Variants in BCAS3 observed in about 807,000 individuals in gnomAD.
BCAS3 encodes the protein BCAS3 microtubule associated cell migration factor.
A neutral mutation model predicts 116.1 loss-of-function variants in BCAS3; 53 were observed. The observed-to-expected ratio is 0.46, with a 90% CI of 0.37 to 0.57. The LOEUF is 0.57. BCAS3 is among the 20% of genes least tolerant of loss of function. The pLI is 0.00. For synonymous variants in BCAS3, 391 were observed against 408.2 expected (o/e 0.96, Z 0.51); for missense variants, 917 against 1,165.4 (o/e 0.79, Z 3.10).
rs934627291 is a variant in BCAS3 at position 61,023,176 on chromosome 17, A to T, written c.1637+7275A>T. On this transcript the variant is annotated intron_variant, in intron 16 of 23. Coordinates refer to ENST00000407086, the MANE Select transcript of BCAS3 (RefSeq NM_017679.5). The surrounding 1 kb of genome is among the most constrained non-coding windows in gnomAD (Gnocchi z 4.8). The stretch of plus-strand genomic sequence containing the variant: ...CATGTGGGAAATGCAAGTTCACTTC[A>T]GTTGTTGTTTTAACAGAGGGCACAC... Among the ~76,000 whole-genome samples the T allele has an allele frequency of 6.6e-6, 1 of 152,222 alleles. No homozygotes were observed. The highest frequency in any genetic ancestry group is 1.5e-5 in the Non-Finnish European group (1 of 68,050).
chr17:61,255,257 T>C (rs1197195377), intron 22 of BCAS3, among the ~76,000 whole-genome samples: 1 of 152,190 alleles, frequency 6.6e-6, no homozygotes, highest in Non-Finnish European at 1.5e-5. Context: ...TCCCAGCTAA[T>C]CTCATTCCCA....
intron 22 of BCAS3, among the ~76,000 whole-genome samples, chr17:61,120,598 C>T: frequency 6.6e-6 from 1 of 152,028 alleles, no homozygotes; most frequent in East Asian, 1.9e-4. Flanking sequence ...CTTAGCAACC[C>T]ATCACCAAAC....
chr17:61,345,278 C>T lies in BCAS3; in HGVS notation c.2426-23049C>T, dbSNP rs1167510069. Among the ~76,000 whole-genome samples the T allele has an allele frequency of 6.6e-5, 10 of 152,178 alleles. No individual in the cohort carries two copies. The East Asian group carries it at 9.6e-4, about 15-fold the overall frequency. On this transcript the variant is annotated intron_variant, in intron 22 of 23. Coordinates refer to ENST00000407086, the MANE Select transcript of BCAS3 (RefSeq NM_017679.5). Reference sequence around the variant, plus strand: ...CGCTATGCCTGACTGGCTGGCTGGGCGATTCTTTGGGGGCTGTGTTTTGTG... The same window carrying T: ...CGCTATGCCTGACTGGCTGGCTGGGTGATTCTTTGGGGGCTGTGTTTTGTG...
intron 6 of BCAS3, among the ~76,000 whole-genome samples, chr17:60,763,603 T>C (rs1465278277): frequency 1.3e-5 from 2 of 152,186 alleles, no homozygotes; most frequent in Non-Finnish European, 2.9e-5. Flanking sequence ...TTTGCCAGTA[T>C]TTTATTGAGG....
intron 5 of BCAS3, among the ~76,000 whole-genome samples, chr17:60,746,676 G>A (rs895640993): frequency 7.9e-5 from 12 of 152,106 alleles, no homozygotes; most frequent in Middle Eastern, 3.4e-3. Flanking sequence ...TTTTATGATT[G>A]TGAAAGAATA....
chr17:61,156,627 A>G lies in BCAS3; in HGVS notation c.2425+72063A>G, dbSNP rs1056938139. Reference sequence around the variant, plus strand: ...GTTTCATCATTTGGTAAGAAATTTCAGAGGGATTTTTAAATATGAAACTGT... The same window carrying G: ...GTTTCATCATTTGGTAAGAAATTTCGGAGGGATTTTTAAATATGAAACTGT... On this transcript the variant is annotated intron_variant, in intron 22 of 23. Coordinates refer to ENST00000407086, the MANE Select transcript of BCAS3 (RefSeq NM_017679.5). The surrounding 1 kb of genome is among the most constrained non-coding windows in gnomAD (Gnocchi z 4.7). 4.7e-4 allele frequency among the ~76,000 whole-genome samples: 71 copies of G among 152,248 alleles called. No homozygotes were observed. The highest frequency in any genetic ancestry group is 1.7e-3 in the African/African-American group (71 of 41,542).
intron 13 of BCAS3, among the ~76,000 whole-genome samples, chr17:60,936,182 A>G (rs575782892): frequency 6.6e-6 from 1 of 151,730 alleles, no homozygotes; most frequent in Non-Finnish European, 1.5e-5. Context: ...TACAAAGGAC[A>G]TGAACTCATC....
At chr17:60,862,055 G>A (rs2054203573) in intron 7 of BCAS3, among the ~76,000 whole-genome samples, 1 of 152,068 alleles carries the variant, frequency 6.6e-6, no homozygotes, top group South Asian at 2.1e-4. Flanking sequence ...AGGCCGAGGA[G>A]GGCGGATCAT....
intron 5 of BCAS3, among the ~76,000 whole-genome samples, chr17:60,720,546 C>A (rs1254575073): frequency 6.6e-6 from 1 of 152,040 alleles, no homozygotes; most frequent in Non-Finnish European, 1.5e-5. Flanking sequence ...ACAGTTGGCC[C>A]TGGATATCCA....
At chr17:61,187,817 G>GT (rs1025278063) in intron 22 of BCAS3, among the ~76,000 whole-genome samples, 19 of 149,338 alleles carry the variant, frequency 1.3e-4, no homozygotes, top group East Asian at 2.0e-4. Flanking sequence ...AGCAGCTAAG[G>GT]TTTTTTTTTT....
At chr17:61,011,071 C>T (rs564515389) in intron 15 of BCAS3, among the ~76,000 whole-genome samples, 1 of 152,142 alleles carries the variant, frequency 6.6e-6, no homozygotes, top group South Asian at 2.1e-4. Flanking sequence ...TTTTATGTAT[C>T]TCAAGACTTC....
chr17:60,742,206 C>T (rs2041620794), intron 5 of BCAS3, among the ~76,000 whole-genome samples: 1 of 152,136 alleles, frequency 6.6e-6, no homozygotes, highest in Non-Finnish European at 1.5e-5. Context: ...AGACAAAATT[C>T]ATTTGCATTT....
chr17:60,854,807 A>G (rs1304326851), intron 7 of BCAS3, among the ~76,000 whole-genome samples: 1 of 152,220 alleles, frequency 6.6e-6, no homozygotes, highest in Non-Finnish European at 1.5e-5. Context: ...CACAGCCTGC[A>G]CATGAATGTT....
chr17:60,796,638 C>T (rs1337341182), intron 6 of BCAS3, among the ~76,000 whole-genome samples: 1 of 152,064 alleles, frequency 6.6e-6, no homozygotes, highest in Non-Finnish European at 1.5e-5. Flanking sequence ...TGCTAATGAT[C>T]TATCAATTTT....
At chr17:60,943,186 A>T (rs1283899809) in intron 13 of BCAS3, among the ~76,000 whole-genome samples, 3 of 152,128 alleles carry the variant, frequency 2.0e-5, no homozygotes, top group African/African-American at 7.2e-5. Flanking sequence ...ATGAAAAGAG[A>T]AATAAAAAAC....
At chr17:61,277,536 C>T (rs116513408) in intron 22 of BCAS3, among the ~76,000 whole-genome samples, 2,975 of 152,074 alleles carry the variant, frequency 0.02, 88 homozygotes, top group African/African-American at 0.067. Flanking sequence ...CTTCTAAGAA[C>T]CACATCAGGA....
chr17:61,026,765 T>C lies in BCAS3; in HGVS notation c.1638-7901T>C. 8.9e-7 allele frequency: 1 copy of C among 1,129,146 alleles called. No homozygotes were observed. Among genetic ancestry groups the C allele is most frequent in the South Asian group, 1.4e-5 (1 of 70,284 alleles). 69.9% of individuals were successfully genotyped at this position (1,129,146 alleles called of 1,614,324 possible). On this transcript the variant is annotated intron_variant, in intron 16 of 23. Transcript: ENST00000407086. The surrounding 1 kb of genome is among the most constrained non-coding windows in gnomAD (Gnocchi z 5.0). Reference sequence around the variant, plus strand: ...TAAATGATTACTAATTTTTTAGTTATTTTTATCCATACTCTATAACAGTAT... The same window carrying C: ...TAAATGATTACTAATTTTTTAGTTACTTTTATCCATACTCTATAACAGTAT...
chr17:61,123,346 C>T (rs948362763), intron 22 of BCAS3, among the ~76,000 whole-genome samples: 1 of 152,140 alleles, frequency 6.6e-6, no homozygotes, highest in African/African-American at 2.4e-5. Context: ...GCCAATATCG[C>T]TGTTCCCCCA....
chr17:60,859,220 G>A (rs569406049), intron 7 of BCAS3, among the ~76,000 whole-genome samples: 1 of 152,076 alleles, frequency 6.6e-6, no homozygotes. Context: ...GGTTCTGGGG[G>A]TACGTGTTCA....
Sources: allele counts gnomAD v4.1 joint callset (sites outside exome capture counted in the v4.1 genomes callset), GRCh38; gene constraint gnomAD v4.1.1; non-coding constraint Gnocchi (gnomAD v3.1); transcripts MANE v1.5; gene names NCBI Gene and HGNC (gene_info 2026-07-23, HGNC 2026-07-21).